Variants in SMAD3 observed in about 807,000 individuals in gnomAD.
The protein encoded by SMAD3 is MAD homolog 3.
SMAD3 carries 12 observed loss-of-function variants against 51.8 expected under a neutral mutation model. The observed-to-expected ratio is 0.23, with a 90% confidence interval of 0.15 to 0.38. The LOEUF (loss-of-function observed/expected upper bound fraction) is 0.38. Among genes scored for constraint, SMAD3 ranks in the 10% least tolerant of loss-of-function variants. The probability of loss-of-function intolerance (pLI) is 1.00; values close to 1 mark genes in which losing one functional copy is unlikely to be tolerated. For synonymous variants in SMAD3, 238 were observed against 227.7 expected, an observed-to-expected ratio of 1.05 and a Z score of -0.41; for missense variants, 294 against 565.6, an observed-to-expected ratio of 0.52 and a Z score of 4.87.
At chr15:67,160,822 A>C (rs997435429) in intron 1 of SMAD3, among the ~76,000 whole-genome samples, 1 of 140,980 alleles carries the variant, frequency 7.1e-6, no homozygotes, top group Non-Finnish European at 1.5e-5. Flanking sequence ...AGAAGATTGA[A>C]TTGTTAATAT....
Position 67,066,033 on chromosome 15 carries a change from G to A in SMAD3, c.-122G>A, listed in dbSNP as rs1566956120. ...CGGCGCCCCGGCAACTTCGCCGAGAGTTGAGGCGAAGTTTGGGCGACCGCG... is the reference window on the plus strand; with the variant it reads ...CGGCGCCCCGGCAACTTCGCCGAGAATTGAGGCGAAGTTTGGGCGACCGCG... On this transcript the variant is annotated 5_prime_UTR_variant, in exon 1 of 9. Transcript: ENST00000327367. 1.4e-5 allele frequency: 7 copies of A among 492,078 alleles called. No individual in the cohort carries two copies. In the East Asian group the frequency reaches 2.0e-4, roughly 14 times the overall value. The allele number at this position is 492,078 out of a possible 1,614,324, so 30.5% of individuals were successfully genotyped here.
At chr15:67,085,856 A>T (rs1006572395) in intron 1 of SMAD3, among the ~76,000 whole-genome samples, 3 of 144,922 alleles carry the variant, frequency 2.1e-5, no homozygotes, top group Admixed American at 1.4e-4. Context: ...TGGTTGGTCA[A>T]AAAAAAAGCG....
chr15:67,092,489 C>G (rs148957626), intron 1 of SMAD3, among the ~76,000 whole-genome samples: 6 of 152,224 alleles, frequency 3.9e-5, no homozygotes, highest in East Asian at 1.9e-4. Flanking sequence ...TCTCAGGCCC[C>G]GCCCCCAGGC....
intron 1 of SMAD3, chr15:67,099,043 TCTC>T (rs1196303195): frequency 1.2e-5 from 7 of 578,752 alleles, no homozygotes; most frequent in Middle Eastern, 2.4e-4. Flanking sequence ...CCATGATAAT[TCTC>T]CTTTCTGTGG....
At chr15:67,138,434 G>A in intron 1 of SMAD3, 1 of 310,364 alleles carries the variant, frequency 3.2e-6, no homozygotes, top group Admixed American at 4.3e-5. Flanking sequence ...GAGCGTGCTG[G>A]GGAGGGGAGC....
At chr15:67,164,093 C>G (rs990473606) in intron 1 of SMAD3, among the ~76,000 whole-genome samples, 10 of 151,738 alleles carry the variant, frequency 6.6e-5, no homozygotes, top group African/African-American at 2.2e-4. Context: ...GGGCAGATCA[C>G]GAGGTTAGGA....
At chr15:67,182,994 AAAAAAAATAT>A (rs1394872280) in intron 6 of SMAD3, among the ~76,000 whole-genome samples, 8 of 55,430 alleles carry the variant, frequency 1.4e-4, no homozygotes, top group Admixed American at 1.2e-3. Context: ...ATTAAAAAAA[AAAAAAAATAT>A]ATATATATAT....
At chr15:67,106,342 T>C (rs1340842959) in intron 1 of SMAD3, among the ~76,000 whole-genome samples, 2 of 152,172 alleles carry the variant, frequency 1.3e-5, no homozygotes, top group Admixed American at 1.3e-4. Flanking sequence ...TACGTATCTT[T>C]CCTCAGGGCC....
At chr15:67,186,073 C>T (rs1343921122) in intron 7 of SMAD3, among the ~76,000 whole-genome samples, 1 of 152,230 alleles carries the variant, frequency 6.6e-6, no homozygotes, top group African/African-American at 2.4e-5. Context: ...TAGTCCTCAC[C>T]AGTTATTCTC....
intron 1 of SMAD3, among the ~76,000 whole-genome samples, chr15:67,100,805 G>A (rs1376772797): frequency 6.6e-6 from 1 of 152,172 alleles, no homozygotes; most frequent in Non-Finnish European, 1.5e-5. Context: ...ACCTTTATGA[G>A]GAACCAGAGA....
At chr15:67,166,087 T>A in intron 3 of SMAD3, 1 of 745,932 alleles carries the variant, frequency 1.3e-6, no homozygotes, top group Non-Finnish European at 1.6e-6. Flanking sequence ...GTTAGTTTAC[T>A]GGGCTGAGAT....
chr15:67,126,987 C>T (rs1401723077), intron 1 of SMAD3, among the ~76,000 whole-genome samples: 1 of 152,204 alleles, frequency 6.6e-6, no homozygotes, highest in Non-Finnish European at 1.5e-5. Flanking sequence ...CGGCCACTGC[C>T]TGGTATGTTT....
intron 1 of SMAD3, among the ~76,000 whole-genome samples, chr15:67,088,262 C>A (rs930691390): frequency 6.6e-6 from 1 of 152,108 alleles, no homozygotes; most frequent in Non-Finnish European, 1.5e-5. Context: ...TGATGCTAAA[C>A]GGCTTTCCCG....
At position 67,136,953 on chromosome 15, in the gene SMAD3, C is replaced by T. The variant is rs892207938; in HGVS notation, c.207-27942C>T. Among the ~76,000 whole-genome samples, 4 of 152,218 alleles carry T rather than the reference C, an allele frequency of 2.6e-5. No homozygotes were observed. In the South Asian group the frequency reaches 8.3e-4, roughly 31 times the overall value. On this transcript the variant is annotated intron_variant, in intron 1 of 8. Coordinates refer to ENST00000327367, the MANE Select transcript of SMAD3 (RefSeq NM_005902.4). ...AAGGTGGTTAGAGGCCATCACCTGCCTGAGGTCAGCTCAATGGGCAGGGCT... is the reference window on the plus strand; with the variant it reads ...AAGGTGGTTAGAGGCCATCACCTGCTTGAGGTCAGCTCAATGGGCAGGGCT...
chr15:67,104,772 TTGACAGAG>T (rs1401140305), intron 1 of SMAD3, among the ~76,000 whole-genome samples: 5 of 152,386 alleles, frequency 3.3e-5, no homozygotes, highest in Middle Eastern at 6.8e-3. Context: ...CCCTCTTCTC[TTGACAGAG>T]ACCTCTGGGC....
At chr15:67,150,821 TTAAGAGAGCAAAGCTATTTCTCAGTC>T (rs1566985982) in intron 1 of SMAD3, among the ~76,000 whole-genome samples, 4 of 78,090 alleles carry the variant, frequency 5.1e-5, no homozygotes, top group Admixed American at 1.5e-4. Context: ...TTTTTTTTTA[TTAAGAGAGCAAAGCTATTTCTCAGTC>T]TTTTTTTTTT....
At chr15:67,187,751 C>A (rs1824295713) in intron 8 of SMAD3, among the ~76,000 whole-genome samples, 1 of 152,244 alleles carries the variant, frequency 6.6e-6, no homozygotes, top group African/African-American at 2.4e-5. Context: ...ACACACGCTC[C>A]ATCTTATCCT....
At chr15:67,153,353 G>A (rs528774883) in intron 1 of SMAD3, among the ~76,000 whole-genome samples, 7 of 152,138 alleles carry the variant, frequency 4.6e-5, no homozygotes, top group Admixed American at 1.3e-4. Context: ...TTAGCCAGGC[G>A]TGGTGGTGCA....
intron 1 of SMAD3, among the ~76,000 whole-genome samples, chr15:67,114,259 G>C (rs1437028281): frequency 6.6e-6 from 1 of 152,202 alleles, no homozygotes; most frequent in Non-Finnish European, 1.5e-5. Flanking sequence ...CTCTGAGACT[G>C]CCTGCCCGAT....
Sources: allele counts gnomAD v4.1 joint callset (sites outside exome capture counted in the v4.1 genomes callset), GRCh38; gene constraint gnomAD v4.1.1; transcripts MANE v1.5; gene names NCBI Gene and HGNC (gene_info 2026-07-23, HGNC 2026-07-21).